Variants in SGCD observed in about 807,000 individuals in gnomAD.
The protein encoded by SGCD is delta-sarcoglycan.
A neutral mutation model predicts 36.6 loss-of-function variants in SGCD; 18 were observed. The observed-to-expected ratio is 0.49, with a 90% confidence interval of 0.34 to 0.73. The LOEUF (loss-of-function observed/expected upper bound fraction) is 0.73. Among genes scored for constraint, SGCD ranks in the 30% least tolerant of loss-of-function variants. The probability of loss-of-function intolerance (pLI) is 0.01; values close to 1 mark genes in which losing one functional copy is unlikely to be tolerated. For synonymous variants in SGCD, 133 were observed against 130.6 expected (o/e 1.02, Z -0.12); for missense variants, 387 against 346.7 (o/e 1.12, Z -0.92).
At position 156,571,062 on chromosome 5, in the gene SGCD, G is replaced by T. The variant is rs542412926; in HGVS notation, c.295-18169G>T. Reference sequence around the variant, plus strand: ...TTGTTTTTTGTTTCATTTTGTTTTTGTTGAGACAGAGCCTTGCTCTGTCGC... The same window carrying T: ...TTGTTTTTTGTTTCATTTTGTTTTTTTTGAGACAGAGCCTTGCTCTGTCGC... On this transcript the variant is annotated intron_variant, in intron 4 of 8. Transcript: ENST00000337851. Among the ~76,000 whole-genome samples, 298 of 150,224 alleles carry T rather than the reference G, an allele frequency of 2.0e-3. 2 individuals are homozygous for T. The highest frequency in any genetic ancestry group is 6.8e-3 in the African/African-American group (277 of 40,912).
chr5:156,037,129 C>T (rs1187862183), intron 1 of SGCD, among the ~76,000 whole-genome samples: 1 of 152,166 alleles, frequency 6.6e-6, no homozygotes, highest in Admixed American at 6.5e-5. Context: ...ACAACACAGA[C>T]ATGTAATTAC....
intron 3 of SGCD, among the ~76,000 whole-genome samples, chr5:156,209,439 CTCAGCACCAGG>C (rs1451130410): frequency 3.9e-5 from 6 of 152,188 alleles, no homozygotes; most frequent in Non-Finnish European, 8.8e-5. Context: ...TCAGGCTTGC[CTCAGCACCAGG>C]TCAGCACTCC....
chr5:155,883,792 G>GC (rs1491115410), intron 1 of SGCD, among the ~76,000 whole-genome samples: 1 of 29,176 alleles, frequency 3.4e-5, no homozygotes, highest in African/African-American at 3.1e-4. Flanking sequence ...CCTTCAATTT[G>GC]CAAAAAAAAA....
At chr5:156,536,632 A>G (rs1758125993) in intron 4 of SGCD, among the ~76,000 whole-genome samples, 3 of 151,614 alleles carry the variant, frequency 2.0e-5, no homozygotes, top group Non-Finnish European at 4.4e-5. Context: ...GGCAGAGGTT[A>G]TGATCTGGAG....
At chr5:156,442,628 G>A (rs758037343) in intron 3 of SGCD, among the ~76,000 whole-genome samples, 1 of 152,090 alleles carries the variant, frequency 6.6e-6, no homozygotes, top group African/African-American at 2.4e-5. Flanking sequence ...AGTCATTTTT[G>A]TAACTATCAT....
chr5:156,281,271 TC>T (rs912028680), intron 3 of SGCD, among the ~76,000 whole-genome samples: 21 of 150,642 alleles, frequency 1.4e-4, no homozygotes, highest in Non-Finnish European at 1.0e-4. Flanking sequence ...TCTCTCATCA[TC>T]CCCCCCCAAA....
chr5:156,173,321 T>A (rs1332199654), intron 3 of SGCD, among the ~76,000 whole-genome samples: 1 of 152,190 alleles, frequency 6.6e-6, no homozygotes, highest in Admixed American at 6.5e-5. Flanking sequence ...AAATTATTTT[T>A]AAATGGTTTT....
Position 156,766,494 on chromosome 5 carries a change from T to A in SGCD, c.*7104T>A, listed in dbSNP as rs1323667807. The stretch of plus-strand genomic sequence containing the variant: ...CACTCAGGCCGTTACTACCAATTTA[T>A]CTGAGTTGGAAATAAGACTCATTTG... On this transcript the variant is annotated 3_prime_UTR_variant, in exon 9 of 9. Transcript: ENST00000337851. 6.6e-6 allele frequency: 1 copy of A among 151,134 alleles called. No homozygotes were observed. Among genetic ancestry groups the A allele is most frequent in the Non-Finnish European group, 1.5e-5 (1 of 67,884 alleles). The allele number at this position is 151,134 out of a possible 1,614,324, so 9.4% of individuals were successfully genotyped here.
chr5:156,214,894 A>G (rs1339026183), intron 3 of SGCD, among the ~76,000 whole-genome samples: 1 of 152,120 alleles, frequency 6.6e-6, no homozygotes, highest in Non-Finnish European at 1.5e-5. Context: ...GGATATCCAC[A>G]TGTAGAAGAA....
At position 156,069,045 on chromosome 5, in the gene SGCD, T is replaced by G. The variant is rs908090478; in HGVS notation, c.-281-48833T>G. On this transcript the variant is annotated intron_variant, in intron 1 of 9. Coordinates refer to the SGCD transcript ENST00000517913. Reference sequence around the variant, plus strand: ...TTAGCCCTTTGTCAGATGAGTAGATTGCAAAAATTTTCTCCCATTCTGTAG... The same window carrying G: ...TTAGCCCTTTGTCAGATGAGTAGATGGCAAAAATTTTCTCCCATTCTGTAG... Among the ~76,000 whole-genome samples the G allele has an allele frequency of 4.1e-3, 625 of 152,266 alleles. 1 individual carries two copies. The highest frequency in any genetic ancestry group is 6.9e-3 in the Non-Finnish European group (471 of 68,028).
the SGCD span, among the ~76,000 whole-genome samples, chr5:155,749,992 GCTTT>G: frequency 7.9e-5 from 12 of 152,292 alleles, no homozygotes; most frequent in Admixed American, 2.0e-4. Flanking sequence ...AGTTGTCACT[GCTTT>G]CTTTATGAAT....
chr5:156,442,420 A>T (rs558935356), intron 3 of SGCD, among the ~76,000 whole-genome samples: 10 of 152,276 alleles, frequency 6.6e-5, no homozygotes, highest in South Asian at 4.1e-4. Context: ...CTGGAAGTCA[A>T]TTTCTTCAAC....
chr5:155,750,028 A>T, the SGCD span, among the ~76,000 whole-genome samples: 40 of 152,306 alleles, frequency 2.6e-4, no homozygotes, highest in African/African-American at 9.6e-4. Context: ...TTTGTCTGAG[A>T]AAAGTAATAC....
At chr5:156,333,698 A>C (rs1468309088) in intron 2 of SGCD, among the ~76,000 whole-genome samples, 1 of 151,234 alleles carries the variant, frequency 6.6e-6, no homozygotes, top group African/African-American at 2.4e-5. Context: ...GTGAGGATTA[A>C]ATACATGTAG....
intron 6 of SGCD, among the ~76,000 whole-genome samples, chr5:156,643,274 C>T (rs867217513): frequency 2.6e-5 from 4 of 152,020 alleles, no homozygotes; most frequent in African/African-American, 4.8e-5. Context: ...TCAGGTGATC[C>T]GCCCACCTTG....
intron 1 of SGCD, among the ~76,000 whole-genome samples, chr5:155,966,417 G>T (rs1018569524): frequency 1.1e-4 from 16 of 152,084 alleles, no homozygotes; most frequent in African/African-American, 3.9e-4. Context: ...CATTCTTACT[G>T]AAAGGGTTGA....
At chr5:156,445,805 C>T (rs1753732215) in intron 3 of SGCD, among the ~76,000 whole-genome samples, 2 of 152,248 alleles carry the variant, frequency 1.3e-5, no homozygotes, top group Admixed American at 6.5e-5. Context: ...ATCACACACA[C>T]ACACACGCAC....
chr5:156,361,731 T>G (rs1769804699), intron 3 of SGCD, among the ~76,000 whole-genome samples: 1 of 152,214 alleles, frequency 6.6e-6, no homozygotes, highest in South Asian at 2.1e-4. Flanking sequence ...TCAAATATTT[T>G]ATATGTACAC....
At chr5:156,752,690 G>T (rs1181183834) in intron 7 of SGCD, among the ~76,000 whole-genome samples, 3 of 152,134 alleles carry the variant, frequency 2.0e-5, no homozygotes, top group Non-Finnish European at 4.4e-5. Context: ...TACCGTGCCG[G>T]CCAGCATTAT....
Sources: gnomAD v4.1 joint callset for allele counts (sites outside exome capture counted in the v4.1 genomes callset) on GRCh38, gnomAD v4.1.1 for gene constraint, MANE v1.5 for transcripts, NCBI Gene and HGNC (gene_info 2026-07-23, HGNC 2026-07-21) for gene names.